SMG6: variants seen among roughly 807,000 people sequenced by gnomAD.
SMG6 encodes the protein telomerase-binding protein EST1A.
SMG6 carries 66 observed loss-of-function variants against 142.2 expected under a neutral mutation model. The ratio of observed to expected loss-of-function variants is 0.46; its 90% CI spans 0.38 to 0.57. SMG6 has a LOEUF of 0.57. Among genes scored for constraint, SMG6 ranks in the 20% least tolerant of loss-of-function variants. SMG6 has a pLI of 0.00. For synonymous variants in SMG6, 779 were observed against 702.4 expected (o/e 1.11, Z -1.72); for missense variants, 1,793 against 1,832.0 (o/e 0.98, Z 0.39).
chr17:2,301,991 G>A (rs2075289088), intron 1 of SMG6, among the ~76,000 whole-genome samples: 1 of 152,212 alleles, frequency 6.6e-6, no homozygotes, highest in African/African-American at 2.4e-5. Context: ...AGTAGCTCAC[G>A]CCTATAATCC....
chr17:2,243,646 C>T (rs1040289013), intron 9 of SMG6, among the ~76,000 whole-genome samples: 5 of 152,134 alleles, frequency 3.3e-5, no homozygotes, highest in Non-Finnish European at 7.4e-5. Flanking sequence ...TGCCGCTGCA[C>T]TCCAGCCTGG....
At chr17:2,252,535 T>C (rs1204179225) in intron 8 of SMG6, among the ~76,000 whole-genome samples, 1 of 152,230 alleles carries the variant, frequency 6.6e-6, no homozygotes, top group Non-Finnish European at 1.5e-5. Context: ...GTTGAAAACC[T>C]GGGTTCGAAT....
At chr17:2,167,227 T>C (rs1415721830) in intron 13 of SMG6, among the ~76,000 whole-genome samples, 1 of 113,424 alleles carries the variant, frequency 8.8e-6, no homozygotes, top group East Asian at 2.6e-4. Context: ...AGAGAACAAA[T>C]AATGCAATAG....
intron 13 of SMG6, among the ~76,000 whole-genome samples, chr17:2,140,960 G>C (rs1042674733): frequency 1.2e-4 from 19 of 152,192 alleles, no homozygotes; most frequent in African/African-American, 4.6e-4. Flanking sequence ...CTGAGGTAGG[G>C]CCTAAAACAT....
chr17:2,226,546 TC>T (rs915186205), intron 10 of SMG6, among the ~76,000 whole-genome samples: 3 of 150,784 alleles, frequency 2.0e-5, no homozygotes, highest in African/African-American at 7.4e-5. Context: ...GCCATTGCAC[TC>T]CAGCCCAGGC....
At chr17:2,216,748 T>C (rs1001693374) in intron 10 of SMG6, among the ~76,000 whole-genome samples, 1 of 152,248 alleles carries the variant, frequency 6.6e-6, no homozygotes, top group African/African-American at 2.4e-5. Flanking sequence ...TATAGTCTCT[T>C]GTCCCCATGG....
intron 13 of SMG6, among the ~76,000 whole-genome samples, chr17:2,112,973 G>C (rs1016011734): frequency 6.6e-5 from 10 of 152,046 alleles, no homozygotes; most frequent in Non-Finnish European, 1.2e-4. Context: ...AACCAGGCTG[G>C]TCTTGACCTC....
At chr17:2,301,255 G>A (rs1166107880) in intron 1 of SMG6, among the ~76,000 whole-genome samples, 1 of 152,162 alleles carries the variant, frequency 6.6e-6, no homozygotes, top group Non-Finnish European at 1.5e-5. Context: ...TCTTCTTCAA[G>A]ATACCAATTA....
rs2074842657 is a variant in SMG6 at position 2,283,723 on chromosome 17, C to G, written c.2350G>C (p.Asp784His). Residue 784 changes from aspartate (D) to histidine (H), a missense_variant, in exon 7 of 19, where the codon GAC becomes CAC. Asp to His is a moderately conservative substitution (Grantham distance 81). Around this residue, in one of 3 missense-constraint regions of SMG6, gnomAD observed 1,597 missense variants for 1,584.6 expected, o/e 1.01. Coordinates refer to ENST00000263073, the MANE Select transcript of SMG6 (RefSeq NM_017575.5). ...CTGCGCATATAGTAATAGACAGCGT[C>G]AAGCTTCCTCCTCTGTGGAAAGAGG... ...LLAVYTRRKL[D>H]AVYYYMRSLA... 1 of 1,613,768 alleles carries G rather than the reference C, an allele frequency of 6.2e-7. No homozygotes were observed. The highest frequency in any genetic ancestry group is 8.5e-7 in the Non-Finnish European group (1 of 1,179,876).
intron 4 of SMG6, among the ~76,000 whole-genome samples, chr17:2,296,394 C>T (rs1011134786): frequency 1.4e-4 from 21 of 152,124 alleles, no homozygotes; most frequent in African/African-American, 5.1e-4. Flanking sequence ...CTTCCTTGGC[C>T]CCACCAGGCT....
intron 6 of SMG6, among the ~76,000 whole-genome samples, chr17:2,291,258 G>A (rs770512057): frequency 3.3e-5 from 5 of 152,002 alleles, no homozygotes; most frequent in Non-Finnish European, 7.4e-5. Context: ...GTGAACCCGG[G>A]AGGCGGAGCT....
At chr17:2,211,781 C>T (rs2072872725) in intron 10 of SMG6, among the ~76,000 whole-genome samples, 1 of 152,140 alleles carries the variant, frequency 6.6e-6, no homozygotes, top group African/African-American at 2.4e-5. Context: ...TGTTACTGTG[C>T]CCAACACGGC....
rs940833771 is a variant in SMG6, at chr17:2,085,173, C to G, written c.3534+552G>C. Among the ~76,000 whole-genome samples, 1 of 152,050 alleles carries G rather than the reference C, an allele frequency of 6.6e-6. No individual in the cohort carries two copies. ...GCACACACACACACAGACACACACA[C>G]ACGAGTCTGGAGTGAAGCAAGGGCT... On this transcript the variant is annotated intron_variant, in intron 14 of 18. Transcript: ENST00000263073. This position sits in a 1 kb window ranked among gnomAD's most constrained non-coding sequence, Gnocchi z 4.1.
chr17:2,113,523 C>T (rs369740600), intron 13 of SMG6, among the ~76,000 whole-genome samples: 2 of 152,180 alleles, frequency 1.3e-5, no homozygotes, highest in African/African-American at 4.8e-5. Flanking sequence ...GCTGGCTCCA[C>T]GAGAGCACAC....
At chr17:2,162,213 T>C (rs1276347807) in intron 13 of SMG6, among the ~76,000 whole-genome samples, 1 of 152,118 alleles carries the variant, frequency 6.6e-6, no homozygotes. Context: ...ATTCTATTTC[T>C]GTTAAAAAGC....
intron 8 of SMG6, among the ~76,000 whole-genome samples, chr17:2,265,215 G>C (rs216176): frequency 0.58 from 87,726 of 152,038 alleles, 26,485 homozygotes; most frequent in East Asian, 0.75. Flanking sequence ...TGCAAGGTCA[G>C]ACCTGCATAA....
At chr17:2,127,841 T>C (rs2069951822) in intron 13 of SMG6, 11 of 552,284 alleles carry the variant, frequency 2.0e-5, no homozygotes, top group South Asian at 1.4e-4. Flanking sequence ...GTCTGAGACA[T>C]TATTTGCTGA....
At chr17:2,280,167 A>G (rs2074752529) in intron 8 of SMG6, among the ~76,000 whole-genome samples, 1 of 152,210 alleles carries the variant, frequency 6.6e-6, no homozygotes, top group Admixed American at 6.5e-5. Flanking sequence ...AGAGAAAAAA[A>G]AGAATATAGG....
intron 10 of SMG6, among the ~76,000 whole-genome samples, chr17:2,201,752 G>A (rs935187792): frequency 3.3e-5 from 5 of 151,824 alleles, no homozygotes; most frequent in Non-Finnish European, 7.4e-5. Context: ...GGCTGGGTGC[G>A]GTGGCTCATG....
Sources: gnomAD v4.1 joint callset for allele counts (sites outside exome capture counted in the v4.1 genomes callset) on GRCh38, gnomAD v4.1.1 for gene constraint, gnomAD v4.1.1 regional missense constraint, Gnocchi (gnomAD v3.1) non-coding constraint, MANE v1.5 for transcripts, NCBI Gene and HGNC (gene_info 2026-07-23, HGNC 2026-07-21) for gene names.